Variants in PCDH9 observed in about 807,000 individuals in gnomAD.
The protein encoded by PCDH9 is protocadherin 9.
PCDH9 carries 24 observed loss-of-function variants against 70.6 expected under a neutral mutation model. The observed-to-expected ratio is 0.34, with a 90% CI of 0.25 to 0.48. The LOEUF (loss-of-function observed/expected upper bound fraction) is 0.48, where lower values mean the gene tolerates loss of function less well. PCDH9 is among the 20% of genes least tolerant of loss of function. PCDH9 has a pLI of 0.99. For missense variants in PCDH9, 1,281 were observed against 1,503.6 expected, an observed-to-expected ratio of 0.85 and a Z score of 2.45; for synonymous variants, 562 against 558.5, an observed-to-expected ratio of 1.01 and a Z score of -0.09.
At position 66,957,974 on chromosome 13, in the gene PCDH9, T is replaced by G. The variant is rs2083289274; in HGVS notation, c.3037-54369A>C. On this transcript the variant is annotated intron_variant, in intron 2 of 4. Transcript: ENST00000377865. Reference sequence around the variant, plus strand: ...TTATGATGAATTAATATAATAAGATTTTAAGAATAAGATAATGAAGGTATT... The same window carrying G: ...TTATGATGAATTAATATAATAAGATGTTAAGAATAAGATAATGAAGGTATT... 2.0e-5 allele frequency among the ~76,000 whole-genome samples: 3 copies of G among 152,168 alleles called. No homozygotes were observed. In the South Asian group the frequency reaches 6.2e-4, roughly 32 times the overall value.
intron 4 of PCDH9, among the ~76,000 whole-genome samples, chr13:66,429,421 A>G (rs1258172414): frequency 3.8e-5 from 2 of 53,284 alleles, no homozygotes; most frequent in South Asian, 1.0e-3. Flanking sequence ...TAGATTTGTT[A>G]TTTTTTCTGT....
intron 4 of PCDH9, among the ~76,000 whole-genome samples, chr13:66,524,321 TTTTCCTTTTCTCTTTTTG>T (rs1416167735): frequency 6.6e-6 from 1 of 152,098 alleles, no homozygotes; most frequent in African/African-American, 2.4e-5. Flanking sequence ...TTGTTGTTCT[TTTTCCTTTTCTCTTTTTG>T]TTTCCTTTTC....
intron 3 of PCDH9, among the ~76,000 whole-genome samples, chr13:66,807,514 T>C (rs1378274358): frequency 6.6e-6 from 1 of 152,190 alleles, no homozygotes; most frequent in Non-Finnish European, 1.5e-5. Flanking sequence ...AAAAGATGTA[T>C]AAGTTCCTTA....
chr13:66,365,018 A>C (rs752395982), intron 4 of PCDH9, among the ~76,000 whole-genome samples: 1 of 152,188 alleles, frequency 6.6e-6, no homozygotes, highest in Non-Finnish European at 1.5e-5. Flanking sequence ...CGTCCTCAGA[A>C]ATATTTTTAT....
At position 66,602,838 on chromosome 13, in the gene PCDH9, C is replaced by T. The variant is rs1457848576; in HGVS notation, c.3340+28372G>A. On this transcript the variant is annotated intron_variant, in intron 4 of 4. Transcript: ENST00000377865. ...TGAATGACCTATATAAGTATACCATCTTTGATCTTTTATACTGTATGTTTA... is the reference window on the plus strand; with the variant it reads ...TGAATGACCTATATAAGTATACCATTTTTGATCTTTTATACTGTATGTTTA... Among the ~76,000 whole-genome samples the T allele has an allele frequency of 1.4e-5, 2 of 145,524 alleles. 1 individual carries two copies. The highest frequency in any genetic ancestry group is 5.0e-5 in the African/African-American group (2 of 40,362).
intron 3 of PCDH9, chr13:66,859,183 T>C (rs2081441647): frequency 6.6e-6 from 1 of 152,192 alleles, no homozygotes; most frequent in Non-Finnish European, 1.5e-5. Flanking sequence ...CATTTGAAAG[T>C]AGAAAATACA....
intron 4 of PCDH9, among the ~76,000 whole-genome samples, chr13:66,621,785 G>A (rs531896674): frequency 6.6e-6 from 1 of 152,374 alleles, no homozygotes; most frequent in African/African-American, 2.4e-5. Context: ...ACAGAATGCT[G>A]GCAGTCCTCA....
intron 2 of PCDH9, among the ~76,000 whole-genome samples, chr13:67,099,266 A>T (rs1003828626): frequency 1.3e-5 from 2 of 152,234 alleles, no homozygotes; most frequent in African/African-American, 4.8e-5. Context: ...GGTTTGACAG[A>T]TCTAAATAAC....
rs141215014 is a variant in PCDH9 at position 66,384,780 on chromosome 13, T to G, written c.3341-79752A>C. Among the ~76,000 whole-genome samples the G allele has an allele frequency of 3.0e-3, 457 of 152,314 alleles. 3 individuals are homozygous for G. Among genetic ancestry groups the G allele is most frequent in the African/African-American group, 0.01 (432 of 41,572 alleles). ...CTCGGGCACCGGTGATCTTCCTGCC[T>G]CAGCCTCCCGAGTAGCTGGGATTAC... On this transcript the variant is annotated intron_variant, in intron 4 of 4. Coordinates refer to ENST00000377865, the MANE Select transcript of PCDH9 (RefSeq NM_203487.3).
intron 3 of PCDH9, among the ~76,000 whole-genome samples, chr13:66,839,868 T>C (rs1197704802): frequency 6.6e-6 from 1 of 152,202 alleles, no homozygotes; most frequent in African/African-American, 2.4e-5. Flanking sequence ...TGAAAAAAAC[T>C]GAAAAGAATA....
chr13:66,506,518 G>T (rs1299197268), intron 4 of PCDH9, among the ~76,000 whole-genome samples: 2 of 152,146 alleles, frequency 1.3e-5, no homozygotes, highest in African/African-American at 2.4e-5. Context: ...ATCATTAATA[G>T]AAAAGATTAG....
chr13:67,117,399 C>T (rs1245975270), intron 2 of PCDH9, among the ~76,000 whole-genome samples: 1 of 152,064 alleles, frequency 6.6e-6, no homozygotes, highest in Non-Finnish European at 1.5e-5. Flanking sequence ...GAAAGTCAAA[C>T]TGCATATCCA....
At chr13:67,113,622 A>C (rs1354542040) in intron 2 of PCDH9, among the ~76,000 whole-genome samples, 1 of 151,046 alleles carries the variant, frequency 6.6e-6, no homozygotes, top group East Asian at 1.9e-4. Flanking sequence ...ATCTCGGCTC[A>C]CTGCAAGCTC....
chr13:67,064,908 AT>A (rs1398714997), intron 2 of PCDH9, among the ~76,000 whole-genome samples: 28 of 150,662 alleles, frequency 1.9e-4, no homozygotes, highest in African/African-American at 6.0e-4. Flanking sequence ...AGATAGATAG[AT>A]AGATAGATAG....
At chr13:67,225,243 C>A in intron 2 of PCDH9, 162 bp downstream of exon 2, 1 of 1,271,018 alleles carries the variant, frequency 7.9e-7, no homozygotes. Context: ...TCTAAAAATT[C>A]TTGACTGAGC....
intron 4 of PCDH9, among the ~76,000 whole-genome samples, chr13:66,472,335 T>G (rs1247606295): frequency 1.3e-5 from 2 of 151,950 alleles, no homozygotes; most frequent in Admixed American, 1.3e-4. Context: ...TTTGGGAGGC[T>G]GAGGTGGGTG....
chr13:66,622,079 G>A (rs1256131090), intron 4 of PCDH9, among the ~76,000 whole-genome samples: 1 of 152,272 alleles, frequency 6.6e-6, no homozygotes, highest in Admixed American at 6.5e-5. Context: ...GCAATGAGGG[G>A]CTTAGCACCC....
At chr13:66,685,030 GA>G (rs71106988) in intron 3 of PCDH9, among the ~76,000 whole-genome samples, 41 of 148,770 alleles carry the variant, frequency 2.8e-4, no homozygotes, top group African/African-American at 6.0e-4. Flanking sequence ...CAATAGAAAA[GA>G]AAAAAAAAAC....
chr13:66,594,268 G>A (rs564071081), intron 4 of PCDH9, among the ~76,000 whole-genome samples: 1 of 151,620 alleles, frequency 6.6e-6, no homozygotes, highest in South Asian at 2.1e-4. Flanking sequence ...CGAATCAAAG[G>A]CAAAAAGCAA....
Sources: allele counts gnomAD v4.1 joint callset (sites outside exome capture counted in the v4.1 genomes callset), GRCh38; gene constraint gnomAD v4.1.1; transcripts MANE v1.5; gene names NCBI Gene and HGNC (gene_info 2026-07-23, HGNC 2026-07-21).